Variants in COPS4 observed in about 807,000 individuals in gnomAD.
The protein encoded by COPS4 is COP9 signalosome subunit 4.
A neutral mutation model predicts 55.1 loss-of-function variants in COPS4; 8 were observed. That is an observed-to-expected ratio of 0.15 (90% confidence interval 0.09 to 0.26). COPS4 has a LOEUF of 0.26. COPS4 is among the 10% of genes least tolerant of loss of function. The probability of loss-of-function intolerance (pLI) is 1.00; values close to 1 mark genes in which losing one functional copy is unlikely to be tolerated. For missense variants in COPS4, 248 were observed against 484.0 expected, an observed-to-expected ratio of 0.51 and a Z score of 4.58; for synonymous variants, 185 against 165.7, an observed-to-expected ratio of 1.12 and a Z score of -0.90.
intron 7 of COPS4, among the ~76,000 whole-genome samples, chr4:83,064,866 TC>T (rs1731254850): frequency 1.7e-5 from 2 of 120,146 alleles, no homozygotes; most frequent in African/African-American, 3.1e-5. Context: ...GGTTAAGCAG[TC>T]CCTTTTTTTT....
At chr4:83,054,954 G>C (rs1730980079) in intron 4 of COPS4, among the ~76,000 whole-genome samples, 1 of 152,178 alleles carries the variant, frequency 6.6e-6, no homozygotes, top group South Asian at 2.1e-4. Flanking sequence ...AAATTCAACA[G>C]TATAGTGCTA....
intron 1 of COPS4, among the ~76,000 whole-genome samples, chr4:83,040,933 A>C (rs1206789212): frequency 2.0e-5 from 3 of 152,074 alleles, no homozygotes; most frequent in East Asian, 1.9e-4. Flanking sequence ...CCAAGAAATT[A>C]AGAATCAACA....
intron 6 of COPS4, among the ~76,000 whole-genome samples, chr4:83,061,458 C>A (rs150014001): frequency 2.6e-5 from 4 of 152,114 alleles, no homozygotes; most frequent in African/African-American, 7.2e-5. Context: ...TCTTCTTTTG[C>A]TCAAATTTAT....
intron 4 of COPS4, among the ~76,000 whole-genome samples, chr4:83,055,313 C>T (rs1730986741): frequency 6.6e-6 from 1 of 152,128 alleles, no homozygotes; most frequent in African/African-American, 2.4e-5. Context: ...TGACTACCCA[C>T]AGATAATTGC....
At chr4:83,054,259 G>T (rs1385439175) in intron 4 of COPS4, among the ~76,000 whole-genome samples, 2 of 151,942 alleles carry the variant, frequency 1.3e-5, no homozygotes. Context: ...GGAGAATGGT[G>T]TGAACCTGGG....
chr4:83,040,054 A>G (rs939115460), intron 1 of COPS4, among the ~76,000 whole-genome samples: 26 of 152,110 alleles, frequency 1.7e-4, no homozygotes, highest in African/African-American at 5.3e-4. Context: ...TTTCCATTTC[A>G]ATGCTTTATT....
At chr4:83,072,449 C>T (rs567699168) in intron 9 of COPS4, among the ~76,000 whole-genome samples, 84 of 152,276 alleles carry the variant, frequency 5.5e-4, no homozygotes, top group African/African-American at 2.0e-3. Flanking sequence ...ATAACATAAA[C>T]ACATTTTTAA....
At chr4:83,051,097 C>T (rs1394774611) in intron 4 of COPS4, among the ~76,000 whole-genome samples, 1 of 131,370 alleles carries the variant, frequency 7.6e-6, no homozygotes, top group Non-Finnish European at 1.5e-5. Flanking sequence ...CCCATCTCCA[C>T]CAAAAAAAAA....
chr4:83,057,201 T>C, intron 5 of COPS4, 57 bp from the exon 6 acceptor site: 1 of 1,539,754 alleles, frequency 6.5e-7, no homozygotes, highest in Non-Finnish European at 8.8e-7. Context: ...TTGTTTTGTT[T>C]TGTTTAACTC....
chr4:83,068,397 G>T (rs374241839), intron 8 of COPS4, 41 bp from the exon 9 acceptor site: 22 of 1,336,078 alleles, frequency 1.6e-5, no homozygotes, highest in Middle Eastern at 3.6e-4. Context: ...ATAACTAAAA[G>T]ATATGATAAA....
At chr4:83,066,605 T>A in intron 8 of COPS4, 52 bp downstream of exon 8, 1 of 791,554 alleles carries the variant, frequency 1.3e-6, no homozygotes, top group Non-Finnish European at 2.1e-6. Context: ...ATGAAACTAT[T>A]AAAATAATGA....
intron 1 of COPS4, among the ~76,000 whole-genome samples, chr4:83,041,555 C>G (rs1730569093): frequency 6.6e-6 from 1 of 152,190 alleles, no homozygotes; most frequent in Non-Finnish European, 1.5e-5. Flanking sequence ...CAGCCTCCAC[C>G]TCCTGGGTTC....
At chr4:83,074,420 T>C (rs1304736764) in intron 9 of COPS4, among the ~76,000 whole-genome samples, 1 of 151,794 alleles carries the variant, frequency 6.6e-6, no homozygotes, top group African/African-American at 2.4e-5. Flanking sequence ...TCTTAACTGC[T>C]GTTTAAATAG....
chr4:83,035,336 G>C (rs954938039), intron 1 of COPS4, 38 bp downstream of exon 1: 3 of 1,469,132 alleles, frequency 2.0e-6, no homozygotes, highest in Non-Finnish European at 1.8e-6. Flanking sequence ...ACAGAGGTGG[G>C]GAAAGAAAGC....
chr4:83,060,898 G>A (rs1400386612), intron 6 of COPS4, among the ~76,000 whole-genome samples: 2 of 151,690 alleles, frequency 1.3e-5, no homozygotes, highest in Non-Finnish European at 2.9e-5. Flanking sequence ...GCCGGGCGTC[G>A]TGGCATGTGC....
In COPS4 at chr4:83,057,414, C is replaced by A. The variant is rs373129606; in HGVS notation, c.715+6C>A. 1.9e-6 allele frequency: 3 copies of A among 1,555,068 alleles called. No homozygotes were observed. In the African/African-American group the frequency reaches 4.1e-5, roughly 21 times the overall value. ...TACGATCTTAGCATCAGCAGGTAAA[C>A]ACGTAATAATTTATACTTAAATGAA... On this transcript the variant is annotated splice_donor_region_variant and intron_variant, in intron 6 of 9. Coordinates refer to ENST00000264389, the MANE Select transcript of COPS4 (RefSeq NM_016129.3).
chr4:83,043,873 TTGC>T (rs1394450394), intron 1 of COPS4, among the ~76,000 whole-genome samples: 3 of 152,240 alleles, frequency 2.0e-5, no homozygotes, highest in Non-Finnish European at 2.9e-5. Flanking sequence ...CTTTTGGAAT[TTGC>T]TATCTTTTCT....
At chr4:83,058,066 G>C (rs1731059837) in intron 6 of COPS4, among the ~76,000 whole-genome samples, 1 of 147,072 alleles carries the variant, frequency 6.8e-6, no homozygotes, top group Non-Finnish European at 1.5e-5. Flanking sequence ...TTAATGCACT[G>C]CTTTTGGGTT....
intron 9 of COPS4, among the ~76,000 whole-genome samples, chr4:83,069,409 T>G (rs1731365758): frequency 6.6e-6 from 1 of 152,238 alleles, no homozygotes; most frequent in Non-Finnish European, 1.5e-5. Context: ...CCATTGACTC[T>G]TCTGTTTTCT....
Sources: gnomAD v4.1 joint callset for allele counts (sites outside exome capture counted in the v4.1 genomes callset) on GRCh38, gnomAD v4.1.1 for gene constraint, MANE v1.5 for transcripts, NCBI Gene and HGNC (gene_info 2026-07-23, HGNC 2026-07-21) for gene names.